The following HTR3B variants were observed in gnomAD, a reference collection of about 807,000 sequenced individuals.
HTR3B encodes the protein 5-hydroxytryptamine (serotonin) receptor 3B, ionotropic.
Under a neutral mutation model 42.8 loss-of-function variants are expected in HTR3B, and 44 were observed. The observed-to-expected ratio is 1.03, with a 90% confidence interval of 0.81 to 1.32. HTR3B has a LOEUF of 1.32. Among genes scored for constraint, HTR3B ranks in the 40% most tolerant of loss-of-function variants. The pLI, the probability that HTR3B is intolerant of heterozygous loss-of-function variation, is 0.00. For missense variants in HTR3B, 527 were observed against 536.5 expected, an observed-to-expected ratio of 0.98 and a Z score of 0.17; for synonymous variants, 203 against 209.0, an observed-to-expected ratio of 0.97 and a Z score of 0.25.
intron 1 of HTR3B, among the ~76,000 whole-genome samples, chr11:113,906,153 A>G (rs1427841150): frequency 6.6e-6 from 1 of 152,248 alleles, no homozygotes; most frequent in Non-Finnish European, 1.5e-5. Flanking sequence ...GTGTCTGATA[A>G]CCAGTGCTTT....
intron 2 of HTR3B, among the ~76,000 whole-genome samples, chr11:113,914,191 G>A (rs919755435): frequency 6.6e-6 from 1 of 151,880 alleles, no homozygotes; most frequent in Non-Finnish European, 1.5e-5. Context: ...AAATTGGCTG[G>A]GCGCAGTGGC....
chr11:113,932,148 C>T (rs539732891), intron 4 of HTR3B, 141 bp from the exon 5 acceptor site: 6 of 699,510 alleles, frequency 8.6e-6, no homozygotes, highest in South Asian at 1.8e-5. Flanking sequence ...CAGGGTGAAT[C>T]ATCTCATGGA....
upstream of HTR3B, among the ~76,000 whole-genome samples, chr11:113,903,986 C>T (rs561319656): frequency 2.0e-5 from 3 of 152,124 alleles, no homozygotes; most frequent in Middle Eastern, 3.2e-3. Context: ...TTCCCCCCTT[C>T]GGTTGGCTCT....
At chr11:113,923,779 C>A (rs527638389) in intron 2 of HTR3B, among the ~76,000 whole-genome samples, 64 of 152,256 alleles carry the variant, frequency 4.2e-4, no homozygotes, top group Non-Finnish European at 7.4e-4. Context: ...TTATGTTCAC[C>A]AGCTGGCATT....
At position 113,931,876 on chromosome 11, in the gene HTR3B, GC is replaced by G; in HGVS notation, c.368+11del. 6.7e-7 allele frequency: 1 copy of G among 1,488,188 alleles called. No homozygotes were observed. Among genetic ancestry groups the G allele is most frequent in the Non-Finnish European group, 9.4e-7 (1 of 1,064,846 alleles). The allele number at this position is 1,488,188 out of a possible 1,614,324, so 92.2% of individuals were successfully genotyped here. A position where few individuals can be genotyped will look rare whatever the true frequency, so the allele number is the denominator to read the frequency against. The stretch of plus-strand genomic sequence containing the variant: ...ATCATCATCAATGAGTTGTAAGTGT[GC>G]CAGTGTGTATTTCTGTGGGGTTTAG... On this transcript the variant is annotated intron_variant, in intron 4 of 8. Transcript: ENST00000260191.
intron 6 of HTR3B, among the ~76,000 whole-genome samples, chr11:113,941,912 A>G (rs1950138100): frequency 1.3e-5 from 2 of 152,120 alleles, no homozygotes; most frequent in African/African-American, 4.8e-5. Flanking sequence ...TCTGCCCGCC[A>G]TCTTGTGGTT....
chr11:113,905,947 G>A (rs748414138), intron 1 of HTR3B, among the ~76,000 whole-genome samples: 1 of 152,130 alleles, frequency 6.6e-6, no homozygotes, highest in Non-Finnish European at 1.5e-5. Context: ...TATCTTAATT[G>A]TAAAAAATAA....
rs1220361856 is a variant in HTR3B, at chr11:113,943,086, C to T, written c.801C>T (p.Cys267=). The part of the protein sequence containing the change: ...DLGSFYLPPN[C]RARIVFKTSV... ...GGAGCTTCTACCTGCCACCCAACTG[C>T]CGAGCCAGGATTGTGTTCAAGACCA... Residue 267 remains cysteine (C), a synonymous_variant, in exon 7 of 9, where the codon TGC becomes TGT. Coordinates refer to ENST00000260191, the MANE Select transcript of HTR3B (RefSeq NM_006028.5). 3 of 1,613,988 alleles carry T rather than the reference C, an allele frequency of 1.9e-6. No homozygotes were observed. Among genetic ancestry groups the T allele is most frequent in the African/African-American group, 2.7e-5 (2 of 74,912 alleles).
At chr11:113,913,873 G>A (rs561023647) in intron 2 of HTR3B, among the ~76,000 whole-genome samples, 1 of 152,212 alleles carries the variant, frequency 6.6e-6, no homozygotes, top group East Asian at 1.9e-4. Context: ...GCCCTTGGAA[G>A]GTAATTAGGA....
In HTR3B at chr11:113,943,158, G is replaced by C; in HGVS notation, c.873G>C (p.Gln291His). 6.2e-7 allele frequency: 1 copy of C among 1,614,090 alleles called. No individual in the cohort carries two copies. Among genetic ancestry groups the C allele is most frequent in the Non-Finnish European group, 8.5e-7 (1 of 1,180,004 alleles). Residue 291 changes from glutamine (Q) to histidine (H), a missense_variant, in exon 7 of 9, where the codon CAG (glutamine) becomes CAC (histidine). Physicochemically the swap from Gln to His is conservative, Grantham distance 24. Transcript: ENST00000260191. ...TCTTCAGGGTCAACATGTCCAACCA[G>C]GTGCCACGGAGTGTAGGGAGCACCC... The part of the protein sequence containing the change: ...YTVFRVNMSN[Q>H]VPRSVGSTPL...
At chr11:113,926,536 T>TC (rs1555109180) in intron 2 of HTR3B, among the ~76,000 whole-genome samples, 21 of 144,186 alleles carry the variant, frequency 1.5e-4, no homozygotes, top group South Asian at 4.4e-4. Flanking sequence ...TCCTTTCCTT[T>TC]TTTTCTTTTT....
intron 6 of HTR3B, among the ~76,000 whole-genome samples, chr11:113,935,369 C>T (rs181324894): frequency 7.3e-6 from 1 of 137,342 alleles, no homozygotes; most frequent in African/African-American, 2.5e-5. Flanking sequence ...CCTTTTGCCC[C>T]GGGGGTGGAC....
intron 2 of HTR3B, among the ~76,000 whole-genome samples, chr11:113,926,483 C>T (rs11214771): frequency 0.036 from 4,568 of 126,838 alleles, 111 homozygotes; most frequent in Non-Finnish European, 0.054. Context: ...CTTTCCTTTC[C>T]TTTCCTTTCC....
rs145299007 is a variant in HTR3B at position 113,946,021 on chromosome 11, G to C, written c.1210G>C (p.Glu404Gln). ...TQDQTDQQEA[E>Q]WLVLLSRFDR... ...GGACCAGACAGACCAACAGGAGGCA[G>C]AGTGGCTGGTCCTCCTGTCCCGCTT... The change falls in exon 9 of 9, where the codon GAG becomes CAG. Residue 404 changes from glutamate to glutamine, a missense_variant. Glu to Gln is a conservative substitution (Grantham distance 29). Coordinates refer to ENST00000260191, the MANE Select transcript of HTR3B (RefSeq NM_006028.5). 11 of 1,613,870 alleles carry C rather than the reference G, an allele frequency of 6.8e-6. No individual in the cohort carries two copies. In the African/African-American group the frequency reaches 1.5e-4, roughly 22 times the overall value.
intron 2 of HTR3B, among the ~76,000 whole-genome samples, chr11:113,927,628 T>C (rs1949988704): frequency 6.6e-6 from 1 of 151,896 alleles, no homozygotes; most frequent in East Asian, 1.9e-4. Flanking sequence ...AGTGGCTCAA[T>C]CTTAGCTCAC....
chr11:113,938,503 G>T (rs1950108803), intron 6 of HTR3B, among the ~76,000 whole-genome samples: 4 of 151,352 alleles, frequency 2.6e-5, no homozygotes. Flanking sequence ...AGAATCTGCT[G>T]CCTGATCCTA....
In HTR3B at chr11:113,944,692, C is replaced by G. The variant is rs200640080; in HGVS notation, c.1027C>G (p.Arg343Gly). 5 of 1,613,980 alleles carry G rather than the reference C, an allele frequency of 3.1e-6. No individual in the cohort carries two copies. Among genetic ancestry groups the G allele is most frequent in the Middle Eastern group, 1.6e-4 (1 of 6,084 alleles). Residue 343 changes from arginine to glycine, a missense_variant, in exon 8 of 9, where the codon CGA becomes GGA. Arg to Gly is a moderately radical substitution (Grantham distance 125, BLOSUM62 -2). Coordinates refer to ENST00000260191, the MANE Select transcript of HTR3B (RefSeq NM_006028.5). ...GGQEQPFLCL[R>G]GDTDADRPRV... The stretch of plus-strand genomic sequence containing the variant: ...ACAGGAGCAGCCCTTCTTGTGCCTT[C>G]GAGGGGACACCGATGCTGACAGGCC...
Position 113,946,002 on chromosome 11 carries a change from G to C in HTR3B, c.1191G>C (p.Gln397His). 2 of 1,614,136 alleles carry C rather than the reference G, an allele frequency of 1.2e-6. No homozygotes were observed. The highest frequency in any genetic ancestry group is 1.7e-6 in the Non-Finnish European group (2 of 1,180,026). The change falls in exon 9 of 9, where the codon CAG becomes CAC. Residue 397 changes from glutamine (Q) to histidine (H), a missense_variant. By Grantham distance (24) the Gln-to-His change is conservative. Coordinates refer to ENST00000260191, the MANE Select transcript of HTR3B (RefSeq NM_006028.5). ...SISNYLQTQDQTDQQEAEWLV... is the reference protein window; with the variant it reads ...SISNYLQTQDHTDQQEAEWLV... Reference sequence around the variant, plus strand: ...GCAACTACCTCCAAACTCAGGACCAGACAGACCAACAGGAGGCAGAGTGGC... The same window carrying C: ...GCAACTACCTCCAAACTCAGGACCACACAGACCAACAGGAGGCAGAGTGGC...
intron 2 of HTR3B, among the ~76,000 whole-genome samples, chr11:113,928,408 C>G (rs1475491250): frequency 6.6e-6 from 1 of 152,186 alleles, no homozygotes; most frequent in African/African-American, 2.4e-5. Context: ...TTTTCAGTCT[C>G]TATGAATTTC....
Sources: allele counts gnomAD v4.1 joint callset (sites outside exome capture counted in the v4.1 genomes callset), GRCh38; gene constraint gnomAD v4.1.1; transcripts MANE v1.5; gene names NCBI Gene and HGNC (gene_info 2026-07-23, HGNC 2026-07-21).